PTPRG: variants seen among roughly 807,000 people sequenced by gnomAD.
PTPRG encodes protein tyrosine phosphatase receptor type G.
Under a neutral mutation model 165.3 loss-of-function variants are expected in PTPRG, and 102 were observed. That is an observed-to-expected ratio of 0.62 (90% CI 0.53 to 0.73). The LOEUF is 0.73. Among genes scored for constraint, PTPRG ranks in the 30% least tolerant of loss-of-function variants. The pLI, the probability that PTPRG is intolerant of heterozygous loss-of-function variation, is 0.00. For missense variants in PTPRG, 1,866 were observed against 1,861.4 expected, an observed-to-expected ratio of 1.00 and a Z score of -0.05; for synonymous variants, 675 against 669.5, an observed-to-expected ratio of 1.01 and a Z score of -0.13.
At chr3:62,162,533 T>C (rs1704807255) in intron 7 of PTPRG, among the ~76,000 whole-genome samples, 1 of 152,196 alleles carries the variant, frequency 6.6e-6, no homozygotes, top group Non-Finnish European at 1.5e-5. Context: ...GTGAGGGCTT[T>C]GGGAGGTGGA....
intron 1 of PTPRG, among the ~76,000 whole-genome samples, chr3:61,668,796 G>T (rs555938471): frequency 6.6e-6 from 1 of 152,100 alleles, no homozygotes; most frequent in African/African-American, 2.4e-5. Flanking sequence ...ATTTTCAAGA[G>T]ATGGTATTAT....
intron 1 of PTPRG, among the ~76,000 whole-genome samples, chr3:61,618,786 A>T (rs1701370355): frequency 6.6e-6 from 1 of 152,076 alleles, no homozygotes; most frequent in South Asian, 2.1e-4. Flanking sequence ...TACAGTAAAA[A>T]ATGACAGTAT....
chr3:62,131,517 G>C (rs923191336), intron 5 of PTPRG, among the ~76,000 whole-genome samples: 2 of 152,172 alleles, frequency 1.3e-5, no homozygotes, highest in African/African-American at 4.8e-5. Context: ...GAATTGACCT[G>C]AAAACATCAA....
chr3:61,703,491 CA>C (rs2031086990), intron 1 of PTPRG, among the ~76,000 whole-genome samples: 1 of 152,068 alleles, frequency 6.6e-6, no homozygotes, highest in Non-Finnish European at 1.5e-5. Flanking sequence ...ATTTGGAAAC[CA>C]AAAATGGTAT....
rs1303210363 is a variant in PTPRG at position 61,610,785 on chromosome 3, CT to C, written c.85+48414del. On this transcript the variant is annotated intron_variant, in intron 1 of 29. Transcript: ENST00000474889. The stretch of plus-strand genomic sequence containing the variant: ...TCCCTCCCTCCCTACCTCCCTCCCT[CT>C]CTCTCTCCATCTCTCTTTCTCTATC... Among the ~76,000 whole-genome samples, 253 of 141,514 alleles carry C rather than the reference CT, an allele frequency of 1.8e-3. 5 individuals are homozygous for C. Among genetic ancestry groups the C allele is most frequent in the African/African-American group, 6.4e-3 (242 of 37,942 alleles). The allele number at this position is 141,514 out of a possible 152,430, so 92.8% of individuals were successfully genotyped here. A position where few individuals can be genotyped will look rare whatever the true frequency, so the allele number is the denominator to read the frequency against.
chr3:61,789,413 T>C (rs1037061280), intron 2 of PTPRG, among the ~76,000 whole-genome samples: 8 of 152,184 alleles, frequency 5.3e-5, no homozygotes, highest in African/African-American at 1.9e-4. Flanking sequence ...TAGCCTCTAG[T>C]TTCTTATAAT....
chr3:61,797,654 G>A (rs1375349299), intron 2 of PTPRG, among the ~76,000 whole-genome samples: 1 of 139,076 alleles, frequency 7.2e-6, no homozygotes, highest in Non-Finnish European at 1.5e-5. Flanking sequence ...ATGAAACTAG[G>A]TTTTCCATCT....
chr3:62,132,695 T>C (rs755214551), intron 6 of PTPRG, 27 bp downstream of exon 6: 4 of 1,567,108 alleles, frequency 2.6e-6, no homozygotes, highest in Admixed American at 1.7e-5. Context: ...CACTTCCTTT[T>C]GCTGGGATGT....
At chr3:62,104,309 A>G (rs940903705) in intron 5 of PTPRG, among the ~76,000 whole-genome samples, 2 of 152,158 alleles carry the variant, frequency 1.3e-5, no homozygotes, top group Non-Finnish European at 2.9e-5. Context: ...TACTCCTTCC[A>G]TGATTTGTGG....
chr3:61,595,796 G>A (rs1700687217), intron 1 of PTPRG, among the ~76,000 whole-genome samples: 1 of 152,148 alleles, frequency 6.6e-6, no homozygotes. Context: ...TCACTCCAAG[G>A]GAAAAGATTA....
At chr3:61,638,196 G>C (rs1701967461) in intron 1 of PTPRG, among the ~76,000 whole-genome samples, 1 of 152,050 alleles carries the variant, frequency 6.6e-6, no homozygotes, top group Non-Finnish European at 1.5e-5. Context: ...TTCAGATGCT[G>C]ATATAGAAAT....
intron 4 of PTPRG, among the ~76,000 whole-genome samples, chr3:62,038,438 C>T (rs1371130519): frequency 1.3e-5 from 2 of 152,166 alleles, no homozygotes; most frequent in African/African-American, 4.8e-5. Flanking sequence ...TGCTCTGTCA[C>T]CCAGGTTGGA....
chr3:61,749,206 G>A (rs535601603), intron 2 of PTPRG: 33 of 640,520 alleles, frequency 5.2e-5, no homozygotes, highest in African/African-American at 1.6e-4. Context: ...CTCAATTTGC[G>A]TTTATTTCTG....
At chr3:62,226,690 T>C (rs954464227) in intron 13 of PTPRG, among the ~76,000 whole-genome samples, 10 of 152,138 alleles carry the variant, frequency 6.6e-5, no homozygotes, top group Admixed American at 3.9e-4. Context: ...ACTCCCTAAG[T>C]GGGAATTGTA....
chr3:61,697,918 T>C (rs2030703620), intron 1 of PTPRG, among the ~76,000 whole-genome samples: 1 of 152,184 alleles, frequency 6.6e-6, no homozygotes, highest in South Asian at 2.1e-4. Flanking sequence ...ATTCTTTTTA[T>C]CCCTACAACA....
intron 2 of PTPRG, among the ~76,000 whole-genome samples, chr3:61,790,713 C>T (rs2034845082): frequency 6.6e-6 from 1 of 151,630 alleles, no homozygotes; most frequent in East Asian, 1.9e-4. Context: ...TCTCAGAATC[C>T]CTTTCATTTC....
intron 1 of PTPRG, among the ~76,000 whole-genome samples, chr3:61,669,914 C>T (rs1033527923): frequency 4.6e-5 from 7 of 152,144 alleles, no homozygotes; most frequent in Admixed American, 4.6e-4. Flanking sequence ...TCATGTAGGG[C>T]TGCTCTTCGT....
intron 2 of PTPRG, among the ~76,000 whole-genome samples, chr3:61,830,569 T>G (rs1386507012): frequency 2.0e-5 from 1 of 49,708 alleles, no homozygotes; most frequent in Non-Finnish European, 3.5e-5. Flanking sequence ...TGTTTTTGTT[T>G]TTTTTTTTTT....
chr3:62,025,374 G>A lies in PTPRG; in HGVS notation c.519+21877G>A, dbSNP rs202088354. Reference sequence around the variant, plus strand: ...CTGGGAAGGACTCTGAGAGAGCTTAGTGTTTGTGTTCCTTTATCTCCAATT... The same window carrying A: ...CTGGGAAGGACTCTGAGAGAGCTTAATGTTTGTGTTCCTTTATCTCCAATT... On this transcript the variant is annotated intron_variant, in intron 4 of 29. Transcript: ENST00000474889. Among the ~76,000 whole-genome samples, 19 of 152,328 alleles carry A rather than the reference G, an allele frequency of 1.2e-4. No individual in the cohort carries two copies. The East Asian group carries it at 1.4e-3, about 11-fold the overall frequency.
Sources: allele counts gnomAD v4.1 joint callset (sites outside exome capture counted in the v4.1 genomes callset), GRCh38; gene constraint gnomAD v4.1.1; transcripts MANE v1.5; gene names NCBI Gene and HGNC (gene_info 2026-07-23, HGNC 2026-07-21).